The following CTNNA2 variants were observed in gnomAD, a reference collection of about 807,000 sequenced individuals.
The protein encoded by CTNNA2 is catenin alpha 2, also known as catenin alpha-2.
Under a neutral mutation model 101.0 loss-of-function variants are expected in CTNNA2, and 42 were observed. The observed-to-expected ratio is 0.42, with a 90% CI of 0.32 to 0.54. The LOEUF is 0.54. Ranked by LOEUF, CTNNA2 falls within the 20% of genes least tolerant of loss-of-function variation. The probability of loss-of-function intolerance (pLI) is 0.14; values close to 1 mark genes in which losing one functional copy is unlikely to be tolerated. For missense variants in CTNNA2, 871 were observed against 1,223.1 expected, an observed-to-expected ratio of 0.71 and a Z score of 4.29; for synonymous variants, 450 against 456.4, an observed-to-expected ratio of 0.99 and a Z score of 0.18.
At chr2:79,814,382 C>G (rs1324278774) in intron 3 of CTNNA2, among the ~76,000 whole-genome samples, 1 of 152,084 alleles carries the variant, frequency 6.6e-6, no homozygotes, top group Non-Finnish European at 1.5e-5. Flanking sequence ...AGTCTTTTAT[C>G]CCTCGCCACC....
chr2:79,244,769 C>T (rs1299418006), intron 2 of CTNNA2, among the ~76,000 whole-genome samples: 2 of 152,066 alleles, frequency 1.3e-5, no homozygotes, highest in Non-Finnish European at 2.9e-5. Context: ...TGTATGAAAA[C>T]CTAGCAATAT....
intron 1 of CTNNA2, chr2:79,523,398 A>G (rs11682013): frequency 0.018 from 4,147 of 225,080 alleles, 57 homozygotes; most frequent in Non-Finnish European, 0.03. Context: ...CATATAGTTT[A>G]AAGATATCTC....
At chr2:79,570,851 A>G (rs1285235137) in intron 1 of CTNNA2, among the ~76,000 whole-genome samples, 1 of 152,194 alleles carries the variant, frequency 6.6e-6, no homozygotes, top group Non-Finnish European at 1.5e-5. Flanking sequence ...ATGAAATAAT[A>G]TACTCCTGCC....
At chr2:79,650,827 C>G (rs913049040) in intron 1 of CTNNA2, among the ~76,000 whole-genome samples, 20 of 142,044 alleles carry the variant, frequency 1.4e-4, no homozygotes, top group African/African-American at 4.7e-4. Flanking sequence ...TGATGTTCCC[C>G]TTCCTGTGTC....
chr2:79,282,720 G>C (rs1048834456), intron 2 of CTNNA2, among the ~76,000 whole-genome samples: 8 of 140,306 alleles, frequency 5.7e-5, no homozygotes, highest in African/African-American at 2.0e-4. Context: ...ATAAACATAC[G>C]TGTGCATGTG....
intron 1 of CTNNA2, among the ~76,000 whole-genome samples, chr2:79,556,078 T>C (rs1378996253): frequency 2.0e-5 from 3 of 152,120 alleles, no homozygotes; most frequent in Non-Finnish European, 4.4e-5. Context: ...GCCTTATTTT[T>C]ATGATTGAGT....
intron 7 of CTNNA2, among the ~76,000 whole-genome samples, chr2:79,930,355 A>C (rs62141617): frequency 0.47 from 48,338 of 103,736 alleles, 9,097 homozygotes; most frequent in Admixed American, 0.62. Flanking sequence ...AAAGAAAGAA[A>C]GAATGAACAC....
At chr2:79,905,272 A>G (rs1685343111) in intron 6 of CTNNA2, among the ~76,000 whole-genome samples, 1 of 152,218 alleles carries the variant, frequency 6.6e-6, no homozygotes, top group South Asian at 2.1e-4. Flanking sequence ...ATTAACTTAA[A>G]ACATAAGAAA....
intron 6 of CTNNA2, among the ~76,000 whole-genome samples, chr2:79,895,616 T>TA (rs1285670367): frequency 6.6e-6 from 1 of 151,486 alleles, no homozygotes; most frequent in Admixed American, 6.6e-5. Context: ...GTATTAAACT[T>TA]AAAAAAAATT....
At chr2:80,023,521 G>C (rs533932431) in intron 7 of CTNNA2, among the ~76,000 whole-genome samples, 12 of 152,082 alleles carry the variant, frequency 7.9e-5, no homozygotes, top group Non-Finnish European at 1.3e-4. Context: ...TATGAGCTAC[G>C]AAAGACAGAA....
At chr2:80,133,688 T>C (rs1443241039) in intron 7 of CTNNA2, among the ~76,000 whole-genome samples, 1 of 152,142 alleles carries the variant, frequency 6.6e-6, no homozygotes, top group Non-Finnish European at 1.5e-5. Context: ...AGTCGCAAAA[T>C]AGCTCCTGTT....
chr2:80,252,848 G>T (rs1025035958), intron 7 of CTNNA2, among the ~76,000 whole-genome samples: 29 of 152,100 alleles, frequency 1.9e-4, no homozygotes, highest in African/African-American at 6.3e-4. Flanking sequence ...AGGCGTAATG[G>T]GTAGGGTGAG....
intron 7 of CTNNA2, among the ~76,000 whole-genome samples, chr2:80,043,018 CCTTT>C (rs1325672620): frequency 5.2e-5 from 7 of 135,388 alleles, no homozygotes; most frequent in South Asian, 2.5e-4. Context: ...CCTTTCTTTC[CCTTT>C]CTTTCTTTCT....
intron 7 of CTNNA2, among the ~76,000 whole-genome samples, chr2:80,083,440 A>T (rs902346968): frequency 6.6e-6 from 1 of 152,074 alleles, no homozygotes; most frequent in African/African-American, 2.4e-5. Flanking sequence ...AGAGAGTTAG[A>T]ACCATTAAAG....
chr2:80,555,666 C>T, intron 11 of CTNNA2, 27 bp from the exon 12 acceptor site: 1 of 1,368,900 alleles, frequency 7.3e-7, no homozygotes, highest in Admixed American at 2.6e-5. Context: ...GTAAAGTCAT[C>T]TAAATGTGTA....
intron 18 of CTNNA2, among the ~76,000 whole-genome samples, chr2:80,646,291 C>T (rs1279576760): frequency 3.3e-5 from 5 of 152,124 alleles, no homozygotes; most frequent in African/African-American, 1.2e-4. Flanking sequence ...CAACTAGGAA[C>T]AGCATACTTA....
chr2:79,789,753 TGGTGTCCA>T (rs1210435488), intron 3 of CTNNA2, among the ~76,000 whole-genome samples: 5 of 151,992 alleles, frequency 3.3e-5, no homozygotes, highest in Non-Finnish European at 7.4e-5. Flanking sequence ...AAGTAGAGGA[TGGTGTCCA>T]GGGGCCCCTC....
At chr2:79,834,793 A>G (rs140981493) in intron 3 of CTNNA2, among the ~76,000 whole-genome samples, 20 of 152,022 alleles carry the variant, frequency 1.3e-4, no homozygotes, top group Non-Finnish European at 2.2e-4. Flanking sequence ...AATATCATAA[A>G]TATATCTCTA....
At chr2:80,345,132 T>A (rs1672613038) in intron 7 of CTNNA2, among the ~76,000 whole-genome samples, 1 of 152,208 alleles carries the variant, frequency 6.6e-6, no homozygotes, top group South Asian at 2.1e-4. Context: ...CTAGAATGAA[T>A]CATTTCTCTT....
Sources: allele counts gnomAD v4.1 joint callset (sites outside exome capture counted in the v4.1 genomes callset), GRCh38; gene constraint gnomAD v4.1.1; transcripts MANE v1.5; gene names NCBI Gene and HGNC (gene_info 2026-07-23, HGNC 2026-07-21).